IGSF11: variants seen among roughly 807,000 people sequenced by gnomAD.
IGSF11 encodes CXADR like 1.
IGSF11 carries 22 observed loss-of-function variants against 41.0 expected under a neutral mutation model. That is an observed-to-expected ratio of 0.54 (90% CI 0.38 to 0.77). The LOEUF (loss-of-function observed/expected upper bound fraction) is 0.77, where lower values mean the gene tolerates loss of function less well. Ranked by LOEUF, IGSF11 falls within the 30% of genes least tolerant of loss-of-function variation. The pLI is 0.00. For missense variants in IGSF11, 444 were observed against 530.8 expected (o/e 0.84, Z 1.61); for synonymous variants, 219 against 201.3 (o/e 1.09, Z -0.74).
intron 1 of IGSF11, among the ~76,000 whole-genome samples, chr3:119,117,633 C>T (rs1034626249): frequency 1.3e-5 from 2 of 152,166 alleles, no homozygotes; most frequent in Admixed American, 1.3e-4. Flanking sequence ...CATGTCCAGA[C>T]ATTTCAAAAC....
intron 1 of IGSF11, among the ~76,000 whole-genome samples, chr3:119,092,069 T>G (rs1474603616): frequency 8.6e-5 from 13 of 150,946 alleles, no homozygotes; most frequent in Admixed American, 8.6e-4. Flanking sequence ...TGCAGTGCAG[T>G]GGTGCAATCT....
intron 1 of IGSF11, among the ~76,000 whole-genome samples, chr3:119,015,094 AT>A (rs1236858848): frequency 6.6e-6 from 1 of 152,206 alleles, no homozygotes; most frequent in Non-Finnish European, 1.5e-5. Context: ...GATGATGTTT[AT>A]TACTGCAAAC....
chr3:118,985,745 T>A (rs1935191083), intron 1 of IGSF11, among the ~76,000 whole-genome samples: 1 of 152,204 alleles, frequency 6.6e-6, no homozygotes, highest in South Asian at 2.1e-4. Flanking sequence ...CTCCTCTTTA[T>A]CCCTCTGCCA....
intron 1 of IGSF11, among the ~76,000 whole-genome samples, chr3:119,015,223 T>C (rs949760851): frequency 6.6e-6 from 1 of 152,254 alleles, no homozygotes; most frequent in Non-Finnish European, 1.5e-5. Flanking sequence ...TGTAAGGCAC[T>C]GTGGTATAGG....
At chr3:119,074,446 A>T (rs1220052059) in intron 1 of IGSF11, among the ~76,000 whole-genome samples, 2 of 152,094 alleles carry the variant, frequency 1.3e-5, no homozygotes, top group East Asian at 3.8e-4. Context: ...GCAGAAATCA[A>T]CAAATTCTTT....
intron 1 of IGSF11, chr3:119,105,048 A>G: frequency 1.4e-6 from 1 of 728,108 alleles, no homozygotes; most frequent in Non-Finnish European, 2.4e-6. Context: ...GAATATACAT[A>G]GAAGTTAGTA....
At chr3:118,949,946 T>C (rs1944447690) in intron 1 of IGSF11, among the ~76,000 whole-genome samples, 1 of 152,178 alleles carries the variant, frequency 6.6e-6, no homozygotes, top group Non-Finnish European at 1.5e-5. Flanking sequence ...CAATGAAAAT[T>C]GGCCTTAGTC....
intron 4 of IGSF11, among the ~76,000 whole-genome samples, chr3:118,908,940 G>A (rs1939934167): frequency 6.6e-6 from 1 of 152,090 alleles, no homozygotes; most frequent in Non-Finnish European, 1.5e-5. Flanking sequence ...CTATATTTTA[G>A]TTTCCTCATC....
chr3:118,961,402 T>TA (rs1318679784), intron 1 of IGSF11, among the ~76,000 whole-genome samples: 1 of 152,138 alleles, frequency 6.6e-6, no homozygotes, highest in Non-Finnish European at 1.5e-5. Flanking sequence ...GGGCACTGTA[T>TA]AATACACAAA....
At chr3:118,995,426 G>T (rs1309899427) in intron 1 of IGSF11, among the ~76,000 whole-genome samples, 1 of 152,096 alleles carries the variant, frequency 6.6e-6, no homozygotes, top group Non-Finnish European at 1.5e-5. Context: ...GGAAATTTTT[G>T]AACTAAAGAG....
upstream of IGSF11, among the ~76,000 whole-genome samples, chr3:119,109,421 G>T (rs1342913922): frequency 6.6e-6 from 1 of 152,098 alleles, no homozygotes; most frequent in Non-Finnish European, 1.5e-5. Flanking sequence ...TAATTCTGAG[G>T]GATCGGTGGT....
chr3:118,954,584 C>T (rs568301335), intron 1 of IGSF11, among the ~76,000 whole-genome samples: 1 of 152,194 alleles, frequency 6.6e-6, no homozygotes, highest in East Asian at 1.9e-4. Context: ...ATTGTAAATC[C>T]TTTCCAGAAG....
intron 1 of IGSF11, among the ~76,000 whole-genome samples, chr3:118,937,829 T>A (rs1158010818): frequency 6.6e-6 from 1 of 152,200 alleles, no homozygotes; most frequent in Non-Finnish European, 1.5e-5. Context: ...GTAATTGTAT[T>A]CTATTTCTAT....
chr3:119,009,817 A>C (rs1937882610), intron 1 of IGSF11, among the ~76,000 whole-genome samples: 1 of 152,152 alleles, frequency 6.6e-6, no homozygotes, highest in Admixed American at 6.5e-5. Flanking sequence ...ACTTTCAACT[A>C]CCATACAAAT....
intron 1 of IGSF11, among the ~76,000 whole-genome samples, chr3:119,137,411 A>G (rs1481550205): frequency 6.6e-6 from 1 of 152,186 alleles, no homozygotes; most frequent in Non-Finnish European, 1.5e-5. Context: ...CCAGAAGTAA[A>G]TCTATACATC....
rs118096998 is a variant in IGSF11 at position 119,123,417 on chromosome 3, G to A, written c.-13-18212C>T. Among the ~76,000 whole-genome samples, 29 of 152,346 alleles carry A rather than the reference G, an allele frequency of 1.9e-4. No individual in the cohort carries two copies. The East Asian group carries it at 5.2e-3, about 27-fold the overall frequency. The stretch of plus-strand genomic sequence containing the variant: ...TCTCTGGACCCACCTGGCACCTGAG[G>A]TAACTCACTGACCTGAAAACAAGAA... On this transcript the variant is annotated intron_variant, in intron 1 of 7. Coordinates refer to the IGSF11 transcript ENST00000425327.
At chr3:119,004,970 C>T (rs1937336224) in intron 1 of IGSF11, among the ~76,000 whole-genome samples, 1 of 151,306 alleles carries the variant, frequency 6.6e-6, no homozygotes, top group Admixed American at 6.6e-5. Context: ...CTGTAGATGT[C>T]TATTAGGTGC....
At chr3:118,908,277 T>C (rs1939856352) in intron 4 of IGSF11, among the ~76,000 whole-genome samples, 1 of 152,236 alleles carries the variant, frequency 6.6e-6, no homozygotes, top group Admixed American at 6.5e-5. Flanking sequence ...TCTCTATAGA[T>C]GCCAATACTA....
At chr3:119,050,379 A>G (rs1375605727) in intron 1 of IGSF11, among the ~76,000 whole-genome samples, 2 of 152,252 alleles carry the variant, frequency 1.3e-5, no homozygotes, top group Non-Finnish European at 1.5e-5. Context: ...TATGCAGCCA[A>G]AAAACACATG....
Sources: gnomAD v4.1 joint callset for allele counts (sites outside exome capture counted in the v4.1 genomes callset) on GRCh38, gnomAD v4.1.1 for gene constraint, MANE v1.5 for transcripts, NCBI Gene and HGNC (gene_info 2026-07-23, HGNC 2026-07-21) for gene names.